The following CCDC30 variants were observed in gnomAD, a reference collection of about 807,000 sequenced individuals.
The protein encoded by CCDC30 is coiled-coil domain containing 30.
A neutral mutation model predicts 100.2 loss-of-function variants in CCDC30; 70 were observed. The observed-to-expected ratio is 0.70, with a 90% CI of 0.58 to 0.85. CCDC30 has a LOEUF of 0.85. Ranked by LOEUF, CCDC30 falls within the 40% of genes least tolerant of loss-of-function variation. CCDC30 has a pLI of 0.00. For missense variants in CCDC30, 652 were observed against 771.2 expected (o/e 0.85, Z 1.83); for synonymous variants, 233 against 269.5 (o/e 0.86, Z 1.33).
intron 6 of CCDC30, among the ~76,000 whole-genome samples, chr1:42,524,292 C>T (rs917501604): frequency 6.6e-6 from 1 of 152,078 alleles, no homozygotes; most frequent in African/African-American, 2.4e-5. Context: ...GATGTATAAG[C>T]TTAAGGTCTT....
intron 15 of CCDC30, among the ~76,000 whole-genome samples, chr1:42,652,494 G>A (rs1166660262): frequency 2.6e-5 from 4 of 152,020 alleles, no homozygotes; most frequent in African/African-American, 9.7e-5. Flanking sequence ...ATATTCAATA[G>A]TATAAATAAA....
At chr1:42,600,877 C>A (rs1257368167) in intron 10 of CCDC30, among the ~76,000 whole-genome samples, 1 of 151,962 alleles carries the variant, frequency 6.6e-6, no homozygotes, top group African/African-American at 2.4e-5. Context: ...CTCTCTCCCC[C>A]ACTCACTGTG....
At chr1:42,523,659 T>A (rs1316963468) in intron 6 of CCDC30, among the ~76,000 whole-genome samples, 1 of 152,216 alleles carries the variant, frequency 6.6e-6, no homozygotes, top group Non-Finnish European at 1.5e-5. Context: ...TTTCACCCAT[T>A]ATTTCTTCAA....
intron 6 of CCDC30, among the ~76,000 whole-genome samples, chr1:42,550,855 T>C (rs1227258519): frequency 6.6e-6 from 1 of 152,230 alleles, no homozygotes; most frequent in African/African-American, 2.4e-5. Context: ...TCAACATATA[T>C]TTGACAAATA....
intron 11 of CCDC30, among the ~76,000 whole-genome samples, chr1:42,636,791 C>G (rs889674464): frequency 6.6e-6 from 1 of 151,698 alleles, no homozygotes; most frequent in Non-Finnish European, 1.5e-5. Context: ...TATGGTGAAA[C>G]CTTGTCTCTA....
chr1:42,633,160 G>A (rs895969397), intron 11 of CCDC30, among the ~76,000 whole-genome samples: 3 of 152,112 alleles, frequency 2.0e-5, no homozygotes, highest in African/African-American at 7.2e-5. Context: ...AAAATAATGA[G>A]TGAGGGAGCT....
intron 9 of CCDC30, among the ~76,000 whole-genome samples, chr1:42,587,149 C>T (rs941927972): frequency 6.6e-6 from 1 of 152,094 alleles, no homozygotes; most frequent in African/African-American, 2.4e-5. Context: ...AGGCGCATGC[C>T]ACCATGCCTA....
At chr1:42,546,398 AAATATATATATATATAT>A (rs1308473702) in intron 6 of CCDC30, among the ~76,000 whole-genome samples, 236 of 22,768 alleles carry the variant, frequency 0.01, 31 homozygotes, top group South Asian at 0.028. Flanking sequence ...AAAAAAAAAA[AAATATATATATATATAT>A]ATATATATAT....
chr1:42,545,357 C>G (rs1645107258), intron 6 of CCDC30, 53 bp from the exon 9 acceptor site: 3 of 1,393,136 alleles, frequency 2.2e-6, no homozygotes. Context: ...TTTTTCACAG[C>G]TATAAATAAA....
intron 6 of CCDC30, among the ~76,000 whole-genome samples, chr1:42,524,328 T>G (rs1644692338): frequency 6.6e-6 from 1 of 152,200 alleles, no homozygotes; most frequent in African/African-American, 2.4e-5. Context: ...AGTGTGTGCC[T>G]TTCCCTTATC....
chr1:42,623,649 T>C (rs1489801896), intron 11 of CCDC30, among the ~76,000 whole-genome samples: 1 of 152,224 alleles, frequency 6.6e-6, no homozygotes, highest in Admixed American at 6.5e-5. Context: ...CTGTGTATAA[T>C]TTGAAGGCAC....
chr1:42,460,145 AAAAGAAGAGCTTATTG>A, upstream of CCDC30: 1 of 1,278,864 alleles, frequency 7.8e-7, no homozygotes. Flanking sequence ...ATCACCTTTA[AAAAGAAGAGCTTATTG>A]GGAATTATAT....
intron 12 of CCDC30, among the ~76,000 whole-genome samples, chr1:42,641,941 A>G (rs889321446): frequency 1.3e-5 from 2 of 152,150 alleles, no homozygotes; most frequent in Admixed American, 6.5e-5. Context: ...AATACATGAC[A>G]TGGGCTGGGC....
At chr1:42,635,807 C>CAA (rs199893593) in intron 11 of CCDC30, among the ~76,000 whole-genome samples, 8 of 101,808 alleles carry the variant, frequency 7.9e-5, no homozygotes, top group African/African-American at 1.4e-4. Flanking sequence ...GACTCCATCT[C>CAA]AAAAAAAAAA....
chr1:42,456,361 AT>A, the CCDC30 span: 1 of 643,390 alleles, frequency 1.6e-6, no homozygotes, highest in South Asian at 2.0e-5. Flanking sequence ...CCAGCCGGGG[AT>A]CCCCCTCGTT....
intron 10 of CCDC30, among the ~76,000 whole-genome samples, chr1:42,604,932 C>CTATT (rs1212904129): frequency 6.6e-6 from 1 of 152,130 alleles, no homozygotes; most frequent in African/African-American, 2.4e-5. Flanking sequence ...CTAAGGGGTT[C>CTATT]TATTTATTTA....
intron 11 of CCDC30, among the ~76,000 whole-genome samples, chr1:42,620,762 A>C (rs917462017): frequency 4.6e-5 from 7 of 152,194 alleles, no homozygotes; most frequent in African/African-American, 1.4e-4. Context: ...GATCTCAAGA[A>C]AAGACTTACT....
At position 42,653,745 on chromosome 1, in the gene CCDC30, T is replaced by G. The variant is rs16829827; in HGVS notation, c.1923-73T>G. On this transcript the variant is annotated intron_variant, in intron 16 of 16. Coordinates refer to ENST00000668663, the Ensembl canonical transcript of CCDC30. ...AAAAAATTGAAATTCTATCAATGCC[T>G]GTATCCCTGTAACCCCGAACTGCTA... 955 of 1,076,276 alleles carry G rather than the reference T, an allele frequency of 8.9e-4. 7 individuals are homozygous for G. In the African/African-American group the frequency reaches 0.014, roughly 15 times the overall value. 66.7% of individuals were successfully genotyped at this position (1,076,276 alleles called of 1,614,324 possible).
rs2275116 is a variant in CCDC30 at position 42,463,308 on chromosome 1, A to C, written c.-682A>C. ...GTTGCTATGACGCCCAGGTCTCCGT[A>C]GGCACCTGCAGCTAGCAGCTGAGCG... On this transcript the variant is annotated 5_prime_UTR_variant, in exon 1 of 17. An upstream open reading frame in the 5' UTR loses its in-frame stop. Transcript: ENST00000668663. 0.4 allele frequency: 61,319 copies of C among 152,160 alleles called. 13,010 individuals carry two copies. Among genetic ancestry groups the C allele is most frequent in the East Asian group, 0.59 (3,043 of 5,144 alleles). 9.4% of individuals were successfully genotyped at this position (152,160 alleles called of 1,614,324 possible).
Sources: allele counts gnomAD v4.1 joint callset (sites outside exome capture counted in the v4.1 genomes callset), GRCh38; gene constraint gnomAD v4.1.1; transcripts MANE v1.5; gene names NCBI Gene and HGNC (gene_info 2026-07-23, HGNC 2026-07-21).